Variants in FGF7 observed in about 807,000 individuals in gnomAD.
The protein encoded by FGF7 is FGF-7.
Under a neutral mutation model 20.5 loss-of-function variants are expected in FGF7, and 6 were observed. That is an observed-to-expected ratio of 0.29 (90% CI 0.16 to 0.58). The LOEUF (loss-of-function observed/expected upper bound fraction) is 0.58. FGF7 is among the 20% of genes least tolerant of loss of function. The pLI is 0.90. For synonymous variants in FGF7, 64 were observed against 74.7 expected (o/e 0.86, Z 0.74); for missense variants, 144 against 228.8 (o/e 0.63, Z 2.39).
intron 2 of FGF7, among the ~76,000 whole-genome samples, chr15:49,475,772 G>A (rs2055206409): frequency 6.6e-6 from 1 of 152,146 alleles, no homozygotes; most frequent in Non-Finnish European, 1.5e-5. Context: ...TGAATCACCT[G>A]AGGTCAGGAG....
intron 2 of FGF7, among the ~76,000 whole-genome samples, chr15:49,464,217 C>T (rs988840221): frequency 1.3e-5 from 2 of 151,706 alleles, no homozygotes; most frequent in Non-Finnish European, 2.9e-5. Flanking sequence ...ATTTAAAAAG[C>T]GGTGATTCTG....
chr15:49,463,932 T>A (rs67031905), intron 2 of FGF7, among the ~76,000 whole-genome samples: 16,299 of 151,818 alleles, frequency 0.11, 1,240 homozygotes, highest in East Asian at 0.36. Flanking sequence ...TTTGTTTGTT[T>A]TTTGTTTGTT....
chr15:49,450,438 AT>A (rs1234824536), intron 2 of FGF7, among the ~76,000 whole-genome samples: 1 of 151,950 alleles, frequency 6.6e-6, no homozygotes, highest in Non-Finnish European at 1.5e-5. Context: ...CCTGAATGCC[AT>A]TTTTTAAGCC....
intron 2 of FGF7, among the ~76,000 whole-genome samples, chr15:49,439,908 C>T (rs1446113945): frequency 6.6e-6 from 1 of 151,694 alleles, no homozygotes; most frequent in African/African-American, 2.4e-5. Flanking sequence ...GAGATTTTGA[C>T]ATGAAGTTTG....
chr15:49,456,132 A>C (rs1337005449), intron 2 of FGF7, among the ~76,000 whole-genome samples: 1 of 152,168 alleles, frequency 6.6e-6, no homozygotes, highest in Non-Finnish European at 1.5e-5. Flanking sequence ...TAATTTTGTT[A>C]AACACATTTG....
intron 2 of FGF7, among the ~76,000 whole-genome samples, chr15:49,447,957 C>T (rs1292515167): frequency 6.6e-6 from 1 of 151,682 alleles, no homozygotes; most frequent in Non-Finnish European, 1.5e-5. Context: ...TTTACTTCTG[C>T]AACCAGAGAA....
At chr15:49,428,397 G>A (rs972440471) in intron 2 of FGF7, among the ~76,000 whole-genome samples, 1 of 151,992 alleles carries the variant, frequency 6.6e-6, no homozygotes, top group Non-Finnish European at 1.5e-5. Context: ...AGAAGAAGAA[G>A]AGCATTGAGA....
chr15:49,483,499 A>T (rs2056137069), intron 3 of FGF7, among the ~76,000 whole-genome samples: 2 of 152,048 alleles, frequency 1.3e-5, no homozygotes, highest in Non-Finnish European at 2.9e-5. Flanking sequence ...ACCTCTAAGG[A>T]TCCTTCCAGC....
At chr15:49,470,163 A>AC (rs1268705728) in intron 2 of FGF7, among the ~76,000 whole-genome samples, 1 of 152,190 alleles carries the variant, frequency 6.6e-6, no homozygotes, top group Non-Finnish European at 1.5e-5. Flanking sequence ...CTAAAATGTT[A>AC]CTGTAGATTG....
At chr15:49,472,029 A>G (rs2151969518) in intron 2 of FGF7, among the ~76,000 whole-genome samples, 1 of 152,224 alleles carries the variant, frequency 6.6e-6, no homozygotes, top group South Asian at 2.1e-4. Flanking sequence ...TGAAAAAAAA[A>G]AAAAAGCTGT....
chr15:49,426,828 A>G (rs185029139), intron 2 of FGF7, among the ~76,000 whole-genome samples: 225 of 152,074 alleles, frequency 1.5e-3, no homozygotes, highest in African/African-American at 5.1e-3. Flanking sequence ...TACTTCTATA[A>G]ACTTTTTAAT....
intron 2 of FGF7, among the ~76,000 whole-genome samples, chr15:49,466,951 A>C (rs1179149081): frequency 6.6e-6 from 1 of 152,194 alleles, no homozygotes; most frequent in Non-Finnish European, 1.5e-5. Flanking sequence ...AGTGCTAAGA[A>C]AGCCAATGAC....
intron 2 of FGF7, among the ~76,000 whole-genome samples, chr15:49,481,293 T>C (rs1161367772): frequency 6.6e-6 from 1 of 152,216 alleles, no homozygotes; most frequent in African/African-American, 2.4e-5. Flanking sequence ...ATTTATTCCA[T>C]TTTGGAGGTA....
Position 49,483,393 on chromosome 15 carries a change from A to G in FGF7, c.390+139A>G. ...GATTTTATTAAAACACTTTATACTC[A>G]AACGTTAAGAAAAAATGTTTTCTGT... On this transcript the variant is annotated intron_variant, in intron 3 of 3. Coordinates refer to ENST00000267843, the MANE Select transcript of FGF7 (RefSeq NM_002009.4). 7.0e-6 allele frequency: 4 copies of G among 570,090 alleles called. No individual in the cohort carries two copies. In the South Asian group the frequency reaches 9.2e-5, roughly 13 times the overall value. 35.3% of individuals were successfully genotyped at this position (570,090 alleles called of 1,614,324 possible). A position where few individuals can be genotyped will look rare whatever the true frequency, so the allele number is the denominator to read the frequency against.
chr15:49,453,327 T>C (rs1210569069), intron 2 of FGF7, among the ~76,000 whole-genome samples: 1 of 152,170 alleles, frequency 6.6e-6, no homozygotes, highest in Non-Finnish European at 1.5e-5. Context: ...TGGTCTCAAA[T>C]GCCTGAGCTC....
At chr15:49,476,742 A>G (rs1261172055) in intron 2 of FGF7, among the ~76,000 whole-genome samples, 1 of 152,178 alleles carries the variant, frequency 6.6e-6, no homozygotes, top group Non-Finnish European at 1.5e-5. Flanking sequence ...TGTATTTTAG[A>G]ACACTTTTAG....
rs1053242232 is a variant in FGF7, at chr15:49,485,037, A to T, written c.*533A>T. On this transcript the variant is annotated 3_prime_UTR_variant, in exon 4 of 4. Coordinates refer to ENST00000267843, the MANE Select transcript of FGF7 (RefSeq NM_002009.4). ...ATTATAATCTACTTAAACTCTAATCAGAAAAAAAATTCTCAAAAAAACTAT... is the reference window on the plus strand; with the variant it reads ...ATTATAATCTACTTAAACTCTAATCTGAAAAAAAATTCTCAAAAAAACTAT... 5.9e-5 allele frequency: 9 copies of T among 152,150 alleles called. No individual in the cohort carries two copies. Among genetic ancestry groups the T allele is most frequent in the African/African-American group, 2.2e-4 (9 of 41,554 alleles). 9.4% of individuals were successfully genotyped at this position (152,150 alleles called of 1,614,324 possible).
At chr15:49,453,759 C>T (rs2053002438) in intron 2 of FGF7, among the ~76,000 whole-genome samples, 1 of 152,114 alleles carries the variant, frequency 6.6e-6, no homozygotes, top group African/African-American at 2.4e-5. Flanking sequence ...ATCTAATGGT[C>T]ACTAGATAGC....
In FGF7 at chr15:49,486,811, T is replaced by C. The variant is rs370478883; in HGVS notation, c.*2307T>C. The C allele has an allele frequency of 1.3e-5, 2 of 152,050 alleles. No homozygotes were observed. The highest frequency in any genetic ancestry group is 4.2e-4 in the South Asian group (2 of 4,818). The allele number at this position is 152,050 out of a possible 1,614,324, so 9.4% of individuals were successfully genotyped here. A position where few individuals can be genotyped will look rare whatever the true frequency, so the allele number is the denominator to read the frequency against. On this transcript the variant is annotated 3_prime_UTR_variant, in exon 4 of 4. Coordinates refer to ENST00000267843, the MANE Select transcript of FGF7 (RefSeq NM_002009.4). ...TTTGTTTTTCTCCTATTTTTAAATT[T>C]ATTATGCAAATTTTAGAAAATAAAA...
Sources: allele counts gnomAD v4.1 joint callset (sites outside exome capture counted in the v4.1 genomes callset), GRCh38; gene constraint gnomAD v4.1.1; transcripts MANE v1.5; gene names NCBI Gene and HGNC (gene_info 2026-07-23, HGNC 2026-07-21).